Variants in ADAMTSL1 observed in about 807,000 individuals in gnomAD.
ADAMTSL1 encodes the protein ADAMTS like 1, also known as ADAMTS-like protein 1.
A neutral mutation model predicts 201.8 loss-of-function variants in ADAMTSL1; 126 were observed. That is an observed-to-expected ratio of 0.62 (90% confidence interval 0.54 to 0.72). The LOEUF (loss-of-function observed/expected upper bound fraction) is 0.72. Among genes scored for constraint, ADAMTSL1 ranks in the 30% least tolerant of loss-of-function variants. The probability of loss-of-function intolerance (pLI) is 0.00; values close to 1 mark genes in which losing one functional copy is unlikely to be tolerated. For missense variants in ADAMTSL1, 2,679 were observed against 2,277.8 expected, an observed-to-expected ratio of 1.18 and a Z score of -3.59; for synonymous variants, 1,121 against 903.4, an observed-to-expected ratio of 1.24 and a Z score of -4.32.
At chr9:18,332,838 G>A (rs1835087436) in intron 2 of ADAMTSL1, among the ~76,000 whole-genome samples, 1 of 152,124 alleles carries the variant, frequency 6.6e-6, no homozygotes, top group East Asian at 1.9e-4. Context: ...AGAGTGAAAA[G>A]AGCATAAGGT....
intron 5 of ADAMTSL1, among the ~76,000 whole-genome samples, chr9:18,626,924 TTC>T (rs1398080885): frequency 2.7e-5 from 4 of 150,004 alleles, no homozygotes; most frequent in Non-Finnish European, 5.9e-5. Context: ...TTTTTTCTTT[TTC>T]TTTCTTTCTT....
At chr9:17,967,228 C>G (rs1818010390) in intron 1 of ADAMTSL1, among the ~76,000 whole-genome samples, 2 of 152,062 alleles carry the variant, frequency 1.3e-5, no homozygotes, top group Admixed American at 6.6e-5. Context: ...CTAAGAATTC[C>G]TGGTATATTC....
At chr9:17,960,822 C>T (rs1348935609) in intron 1 of ADAMTSL1, among the ~76,000 whole-genome samples, 1 of 152,172 alleles carries the variant, frequency 6.6e-6, no homozygotes, top group East Asian at 1.9e-4. Flanking sequence ...CATTCCACAT[C>T]AGCAGCTTGC....
At chr9:18,283,798 G>C (rs10963552) in intron 2 of ADAMTSL1, among the ~76,000 whole-genome samples, 5,105 of 150,226 alleles carry the variant, frequency 0.034, 113 homozygotes, top group Non-Finnish European at 0.05. Context: ...TGTAGTCCCA[G>C]CTACTCGGGA....
At position 18,730,837 on chromosome 9, in the gene ADAMTSL1, T is replaced by G. The variant is rs566570880; in HGVS notation, c.2006+9172T>G. On this transcript the variant is annotated intron_variant, in intron 15 of 28. Coordinates refer to ENST00000380548, the MANE Select transcript of ADAMTSL1 (RefSeq NM_001040272.6). ...AAGTGGTGTCTTCTCTGTAACTTAC[T>G]GCTATTGACTCTGGTCACTGAGTGG... 2.6e-5 allele frequency among the ~76,000 whole-genome samples: 4 copies of G among 152,340 alleles called. No homozygotes were observed. In the South Asian group the frequency reaches 8.3e-4, roughly 32 times the overall value.
intron 1 of ADAMTSL1, among the ~76,000 whole-genome samples, chr9:18,018,074 G>A (rs1025914831): frequency 6.6e-6 from 1 of 152,144 alleles, no homozygotes; most frequent in East Asian, 1.9e-4. Flanking sequence ...CATTTTCAAA[G>A]CATTGTAAAA....
chr9:18,568,483 G>T (rs1461565106), intron 3 of ADAMTSL1, among the ~76,000 whole-genome samples: 1 of 152,130 alleles, frequency 6.6e-6, no homozygotes, highest in Non-Finnish European at 1.5e-5. Flanking sequence ...AATATTTTGA[G>T]GGTAAAACAA....
intron 2 of ADAMTSL1, among the ~76,000 whole-genome samples, chr9:18,199,702 G>GT (rs1829352492): frequency 6.6e-6 from 1 of 151,966 alleles, no homozygotes; most frequent in African/African-American, 2.4e-5. Context: ...ATATATTTGA[G>GT]TTTTTTATTT....
intron 21 of ADAMTSL1, among the ~76,000 whole-genome samples, chr9:18,825,501 AGT>A (rs1326678920): frequency 4.6e-5 from 7 of 152,230 alleles, no homozygotes; most frequent in African/African-American, 1.7e-4. Context: ...TCTACATAAG[AGT>A]GTCAACTCCA....
At chr9:18,454,152 A>G (rs896728129) in intron 2 of ADAMTSL1, among the ~76,000 whole-genome samples, 3 of 152,222 alleles carry the variant, frequency 2.0e-5, no homozygotes, top group Admixed American at 6.5e-5. Context: ...TGAAAGCCTC[A>G]GAACCAGAAA....
chr9:18,790,287 G>A (rs184926876), intron 19 of ADAMTSL1, among the ~76,000 whole-genome samples: 36 of 152,202 alleles, frequency 2.4e-4, no homozygotes, highest in African/African-American at 7.5e-4. Context: ...CCCACCACAC[G>A]ACTCTAGACT....
At chr9:18,020,855 G>A (rs1820453266) in intron 1 of ADAMTSL1, among the ~76,000 whole-genome samples, 1 of 152,114 alleles carries the variant, frequency 6.6e-6, no homozygotes. Context: ...CAAAGCGTCA[G>A]TAACTGCAAC....
intron 2 of ADAMTSL1, among the ~76,000 whole-genome samples, chr9:18,177,607 A>G (rs1828229689): frequency 1.3e-5 from 2 of 152,188 alleles, no homozygotes; most frequent in Admixed American, 1.3e-4. Context: ...GTTCGCAAGG[A>G]TACTTGGTGA....
rs1830408018 is a variant in ADAMTSL1, at chr9:18,680,532, T to G, written c.1341+16T>G. ...GTGGTCTCCGGTAACTGTGCCTTCT[T>G]TCTTTGTTCATTAGGAGAGTAAGTC... On this transcript the variant is annotated intron_variant, in intron 11 of 28. Transcript: ENST00000380548. 6.2e-7 allele frequency: 1 copy of G among 1,613,428 alleles called. No homozygotes were observed.
At chr9:17,988,345 T>C (rs1389822991) in intron 1 of ADAMTSL1, among the ~76,000 whole-genome samples, 2 of 152,020 alleles carry the variant, frequency 1.3e-5, no homozygotes, top group Non-Finnish European at 2.9e-5. Flanking sequence ...AACATTGGGT[T>C]TCAAATACCT....
intron 16 of ADAMTSL1, among the ~76,000 whole-genome samples, 169 bp from the exon 17 acceptor site, chr9:18,770,433 T>A (rs930222124): frequency 1.3e-5 from 2 of 151,702 alleles, no homozygotes; most frequent in Non-Finnish European, 2.9e-5. Context: ...TGCTACAAAA[T>A]TCATCTCAAA....
chr9:18,762,080 A>G (rs1370420365), intron 16 of ADAMTSL1, among the ~76,000 whole-genome samples: 1 of 152,234 alleles, frequency 6.6e-6, no homozygotes, highest in Non-Finnish European at 1.5e-5. Context: ...TCATCCAATC[A>G]TCAATTCAAC....
chr9:18,050,336 A>T (rs1014624220), intron 1 of ADAMTSL1, among the ~76,000 whole-genome samples: 9 of 152,162 alleles, frequency 5.9e-5, no homozygotes, highest in Non-Finnish European at 1.3e-4. Flanking sequence ...AAAATACTTG[A>T]GTTTTTTATA....
chr9:18,146,703 T>C (rs569046132), intron 1 of ADAMTSL1, among the ~76,000 whole-genome samples: 1 of 152,280 alleles, frequency 6.6e-6, no homozygotes. Flanking sequence ...CAAACAATAT[T>C]TGGTGAACAT....
Sources: allele counts gnomAD v4.1 joint callset (sites outside exome capture counted in the v4.1 genomes callset), GRCh38; gene constraint gnomAD v4.1.1; transcripts MANE v1.5; gene names NCBI Gene and HGNC (gene_info 2026-07-23, HGNC 2026-07-21).